Variants in TMC5 observed in about 807,000 individuals in gnomAD.
TMC5 encodes transmembrane channel like 5.
In TMC5, 86 loss-of-function variants were observed where a neutral mutation model predicts 110.5. The ratio of observed to expected loss-of-function variants is 0.78; its 90% CI spans 0.65 to 0.93. The LOEUF (loss-of-function observed/expected upper bound fraction) is 0.93. TMC5 is among the 40% of genes least tolerant of loss of function. The pLI is 0.00. For synonymous variants in TMC5, 455 were observed against 439.5 expected (o/e 1.04, Z -0.44); for missense variants, 1,144 against 1,222.8 (o/e 0.94, Z 0.96).
In TMC5 at chr16:19,498,028, C is replaced by T. The variant is rs747487573; in HGVS notation, c.*62C>T. 2.7e-6 allele frequency: 4 copies of T among 1,498,454 alleles called. No individual in the cohort carries two copies. Among genetic ancestry groups the T allele is most frequent in the African/African-American group, 2.7e-5 (2 of 72,804 alleles). 92.8% of individuals were successfully genotyped at this position (1,498,454 alleles called of 1,614,324 possible). ...GGAGGAGACGAAAATGGAATGATTT[C>T]TTCCATGCCACCTGTGCCTTTAGGA... On this transcript the variant is annotated 3_prime_UTR_variant, in exon 22 of 22. Transcript: ENST00000542583.
intron 13 of TMC5, among the ~76,000 whole-genome samples, chr16:19,478,496 A>G (rs1355708161): frequency 6.6e-6 from 1 of 151,726 alleles, no homozygotes; most frequent in East Asian, 1.9e-4. Flanking sequence ...TTCCCCCATC[A>G]TTCATTTATC....
intron 10 of TMC5, among the ~76,000 whole-genome samples, chr16:19,470,788 A>G (rs1199257622): frequency 6.8e-6 from 1 of 146,094 alleles, no homozygotes; most frequent in African/African-American, 2.5e-5. Context: ...AATCCCAGCA[A>G]TTTGGGAGGA....
Position 19,433,361 on chromosome 16 carries a change from G to A in TMC5, c.-80+2721G>A, listed in dbSNP as rs79369583. On this transcript the variant is annotated intron_variant, in intron 2 of 21. Coordinates refer to ENST00000542583, the MANE Select transcript of TMC5 (RefSeq NM_001261841.2). Reference sequence around the variant, plus strand: ...TTTGGCTTTTGAATGCTTTCTCTTGGAAGTGACACAGTCACTTATGCTCAC... The same window carrying A: ...TTTGGCTTTTGAATGCTTTCTCTTGAAAGTGACACAGTCACTTATGCTCAC... Among the ~76,000 whole-genome samples, 1,119 of 152,222 alleles carry A rather than the reference G, an allele frequency of 7.4e-3. 9 individuals carry two copies. Among genetic ancestry groups the A allele is most frequent in the Non-Finnish European group, 0.012 (785 of 67,986 alleles).
rs9925444 is a variant in TMC5 at position 19,498,580 on chromosome 16, T to C, written c.*614T>C. ...GAGGTTCTGCCCCTGTGAGGTGTTATACATGACCATCAAAGTCCTACGTCA... is the reference window on the plus strand; with the variant it reads ...GAGGTTCTGCCCCTGTGAGGTGTTACACATGACCATCAAAGTCCTACGTCA... On this transcript the variant is annotated 3_prime_UTR_variant, in exon 22 of 22. Coordinates refer to ENST00000542583, the MANE Select transcript of TMC5 (RefSeq NM_001261841.2). 25,239 of 151,218 alleles carry C rather than the reference T, an allele frequency of 0.17. 3,171 individuals are homozygous for C. Among genetic ancestry groups the C allele is most frequent in the East Asian group, 0.39 (2,013 of 5,134 alleles). 9.4% of individuals were successfully genotyped at this position (151,218 alleles called of 1,614,324 possible).
chr16:19,465,701 C>T (rs1198884945), intron 8 of TMC5, among the ~76,000 whole-genome samples: 1 of 152,124 alleles, frequency 6.6e-6, no homozygotes, highest in Non-Finnish European at 1.5e-5. Context: ...CTTCTTATTT[C>T]CTGTGCACTG....
At chr16:19,452,196 C>T (rs938811437) in intron 5 of TMC5, among the ~76,000 whole-genome samples, 3 of 152,154 alleles carry the variant, frequency 2.0e-5, no homozygotes, top group African/African-American at 7.2e-5. Context: ...CTTCGGGAAA[C>T]TTATGTTTAC....
intron 5 of TMC5, among the ~76,000 whole-genome samples, chr16:19,459,911 C>T (rs1241708914): frequency 1.1e-5 from 1 of 89,364 alleles, no homozygotes; most frequent in Admixed American, 1.7e-4. Flanking sequence ...CAGCAAGATC[C>T]TGTCTCAAAA....
intron 5 of TMC5, among the ~76,000 whole-genome samples, chr16:19,459,787 G>A (rs1967973052): frequency 6.6e-6 from 1 of 151,692 alleles, no homozygotes; most frequent in Non-Finnish European, 1.5e-5. Flanking sequence ...ACATGGTGGT[G>A]CATTGTGGTA....
At chr16:19,441,159 G>T (rs1335971712) in intron 3 of TMC5, among the ~76,000 whole-genome samples, 1 of 152,116 alleles carries the variant, frequency 6.6e-6, no homozygotes, top group African/African-American at 2.4e-5. Context: ...GTTAAGACTT[G>T]ACGCTCATAA....
chr16:19,451,861 C>T (rs1236403133), intron 5 of TMC5, among the ~76,000 whole-genome samples: 3 of 152,106 alleles, frequency 2.0e-5, no homozygotes, highest in African/African-American at 7.2e-5. Context: ...TGCAGTGGCA[C>T]CATCTCAGCT....
In TMC5 at chr16:19,455,141, A is replaced by C. The variant is rs186954994; in HGVS notation, c.1049-5094A>C. ...CAGAGCAAGACCTCATCTCTAAAAA[A>C]AAAAGTTTAAAAATTTGTACTTTTT... On this transcript the variant is annotated intron_variant, in intron 5 of 21. Transcript: ENST00000542583. 8.5e-5 allele frequency among the ~76,000 whole-genome samples: 13 copies of C among 152,204 alleles called. No homozygotes were observed. In the East Asian group the frequency reaches 1.7e-3, roughly 20 times the overall value.
chr16:19,490,494 C>G lies in TMC5; in HGVS notation c.2673C>G (p.Tyr891Ter). ...WIDTLSTRPG[Y>*]LWVVWIYRNL... ...ACACCCTAAGTACACGGCCTGGCTA[C>G]CTGTGGGTTGTTTGGATCTATCGGA... Residue 891 changes from tyrosine (Y) to a stop codon, truncating the protein, a stop_gained, in exon 18 of 22, where the codon TAC (tyrosine) becomes TAG (stop). Coordinates refer to ENST00000542583, the MANE Select transcript of TMC5 (RefSeq NM_001261841.2). LOFTEE classifies it high-confidence loss of function. 1 of 1,614,114 alleles carries G rather than the reference C, an allele frequency of 6.2e-7. No individual in the cohort carries two copies. Among genetic ancestry groups the G allele is most frequent in the Non-Finnish European group, 8.5e-7 (1 of 1,180,028 alleles).
intron 19 of TMC5, among the ~76,000 whole-genome samples, chr16:19,493,312 CTT>C (rs1156877571): frequency 6.6e-6 from 1 of 152,018 alleles, no homozygotes; most frequent in East Asian, 1.9e-4. Flanking sequence ...ACTTAAAAAA[CTT>C]AACAATAATT....
chr16:19,471,947 G>C (rs1968352589), intron 10 of TMC5, 141 bp from the exon 11 acceptor site: 3 of 745,726 alleles, frequency 4.0e-6, no homozygotes, highest in Non-Finnish European at 6.5e-6. Context: ...TTTTGGTAGA[G>C]GCGGGGTTTC....
At chr16:19,482,865 T>C (rs1246491475) in intron 15 of TMC5, among the ~76,000 whole-genome samples, 3 of 151,964 alleles carry the variant, frequency 2.0e-5, no homozygotes, top group Non-Finnish European at 4.4e-5. Flanking sequence ...TATTTATTTA[T>C]TTATTTATTT....
chr16:19,445,973 C>T (rs939065705), intron 4 of TMC5, among the ~76,000 whole-genome samples: 3 of 151,268 alleles, frequency 2.0e-5, no homozygotes, highest in African/African-American at 7.3e-5. Context: ...CATGACTGTA[C>T]CACTGCACTC....
intron 18 of TMC5, among the ~76,000 whole-genome samples, chr16:19,491,184 A>T (rs1968896426): frequency 6.6e-6 from 1 of 151,942 alleles, no homozygotes; most frequent in African/African-American, 2.4e-5. Context: ...TAATTTTTAA[A>T]TTTTTTGGAG....
At chr16:19,474,408 C>T (rs754777532) in intron 12 of TMC5, 132 bp downstream of exon 12, 20 of 1,084,420 alleles carry the variant, frequency 1.8e-5, no homozygotes, top group Non-Finnish European at 2.5e-5. Flanking sequence ...TAAGGTGTGG[C>T]TGGGCGTGGT....
At chr16:19,413,969 G>A (rs1213359529), upstream of TMC5, among the ~76,000 whole-genome samples, 3 of 152,132 alleles carry the variant, frequency 2.0e-5, no homozygotes, top group South Asian at 4.1e-4. Context: ...ACACATAGAC[G>A]GTGACAGAAC....
Sources: allele counts gnomAD v4.1 joint callset (sites outside exome capture counted in the v4.1 genomes callset), GRCh38; gene constraint gnomAD v4.1.1; transcripts MANE v1.5; gene names NCBI Gene and HGNC (gene_info 2026-07-23, HGNC 2026-07-21).